MSI2: variants seen among roughly 807,000 people sequenced by gnomAD.
The protein encoded by MSI2 is musashi RNA binding protein 2.
A neutral mutation model predicts 45.6 loss-of-function variants in MSI2; 17 were observed. That is an observed-to-expected ratio of 0.37 (90% CI 0.26 to 0.56). The LOEUF (loss-of-function observed/expected upper bound fraction) is 0.56, where lower values mean the gene tolerates loss of function less well. Among genes scored for constraint, MSI2 ranks in the 20% least tolerant of loss-of-function variants. The probability of loss-of-function intolerance (pLI) is 0.77; values close to 1 mark genes in which losing one functional copy is unlikely to be tolerated. For missense variants in MSI2, 293 were observed against 444.2 expected (o/e 0.66, Z 3.06); for synonymous variants, 156 against 158.2 (o/e 0.99, Z 0.11).
chr17:57,567,098 G>A (rs1254350685), intron 7 of MSI2, among the ~76,000 whole-genome samples: 1 of 152,164 alleles, frequency 6.6e-6, no homozygotes, highest in African/African-American at 2.4e-5. Flanking sequence ...GTCTATTCCA[G>A]ACAATCCATT....
At chr17:57,426,882 A>G (rs1183227343) in intron 6 of MSI2, among the ~76,000 whole-genome samples, 2 of 152,260 alleles carry the variant, frequency 1.3e-5, no homozygotes, top group Admixed American at 1.3e-4. Context: ...GCATGGCCTG[A>G]CAGAGAAGTG....
chr17:57,409,595 C>T (rs1464197701), intron 6 of MSI2, among the ~76,000 whole-genome samples: 1 of 152,156 alleles, frequency 6.6e-6, no homozygotes, highest in East Asian at 1.9e-4. Flanking sequence ...ATGGGCCTTT[C>T]TTCTTTGTGG....
chr17:57,398,661 A>C (rs1377187801), intron 5 of MSI2, among the ~76,000 whole-genome samples: 1 of 152,260 alleles, frequency 6.6e-6, no homozygotes, highest in Non-Finnish European at 1.5e-5. Context: ...GCGACTACAC[A>C]GTGCCCTGCT....
chr17:57,280,194 C>G lies in MSI2; in HGVS notation c.312+18002C>G, dbSNP rs748391091. ...AGGGGGACAGGCGAGGTCACACTTGCGTTGGCGGGGATAAAAATTCTTATC... is the reference window on the plus strand; with the variant it reads ...AGGGGGACAGGCGAGGTCACACTTGGGTTGGCGGGGATAAAAATTCTTATC... On this transcript the variant is annotated intron_variant, in intron 5 of 13. Coordinates refer to ENST00000284073, the MANE Select transcript of MSI2 (RefSeq NM_138962.4). This position sits in a 1 kb window ranked among gnomAD's most constrained non-coding sequence, Gnocchi z 4.2. Among the ~76,000 whole-genome samples, 3 of 152,078 alleles carry G rather than the reference C, an allele frequency of 2.0e-5. No homozygotes were observed. Among genetic ancestry groups the G allele is most frequent in the South Asian group, 2.1e-4 (1 of 4,804 alleles).
At chr17:57,425,759 A>C (rs1011529867) in intron 6 of MSI2, among the ~76,000 whole-genome samples, 16 of 152,220 alleles carry the variant, frequency 1.1e-4, no homozygotes, top group African/African-American at 2.7e-4. Flanking sequence ...TTGACCTAGC[A>C]ATTCCACTTC....
chr17:57,257,211 T>TGGGGGGG, intron 2 of MSI2, 73 bp downstream of exon 2: 1 of 569,830 alleles, frequency 1.8e-6, no homozygotes. Flanking sequence ...TATCCCGGTG[T>TGGGGGGG]AGGAGCCCCC....
At chr17:57,562,320 G>A (rs939806535) in intron 7 of MSI2, among the ~76,000 whole-genome samples, 10 of 152,220 alleles carry the variant, frequency 6.6e-5, no homozygotes, top group Admixed American at 5.9e-4. Context: ...TTCTAAGACC[G>A]TACTTCCCAG....
intron 11 of MSI2, among the ~76,000 whole-genome samples, chr17:57,656,053 A>C (rs1297783529): frequency 6.6e-6 from 1 of 152,218 alleles, no homozygotes; most frequent in Non-Finnish European, 1.5e-5. Flanking sequence ...GTTGTAGTAC[A>C]TGCATTGTTG....
chr17:57,435,860 A>C (rs1488235605), intron 6 of MSI2, among the ~76,000 whole-genome samples: 2 of 152,044 alleles, frequency 1.3e-5, no homozygotes, highest in Non-Finnish European at 1.5e-5. Context: ...CCTAGAAAAA[A>C]TTTTATCCAT....
intron 6 of MSI2, among the ~76,000 whole-genome samples, chr17:57,477,310 A>G (rs1049120127): frequency 2.0e-5 from 3 of 151,906 alleles, no homozygotes; most frequent in Admixed American, 6.6e-5. Context: ...TCGTGACACA[A>G]TTGCCTGTTA....
At chr17:57,310,407 C>T (rs1912296520) in intron 5 of MSI2, among the ~76,000 whole-genome samples, 1 of 151,756 alleles carries the variant, frequency 6.6e-6, no homozygotes, top group African/African-American at 2.4e-5. Context: ...GATCTTGGCT[C>T]ACTGCGACCT....
At chr17:57,433,474 G>A (rs561224413) in intron 6 of MSI2, among the ~76,000 whole-genome samples, 1 of 152,142 alleles carries the variant, frequency 6.6e-6, no homozygotes, top group African/African-American at 2.4e-5. Flanking sequence ...CCCCCAGAAG[G>A]CAGGAGCAAG....
At chr17:57,633,019 T>A in intron 10 of MSI2, 3 of 1,045,238 alleles carry the variant, frequency 2.9e-6, no homozygotes, top group South Asian at 9.2e-5. Context: ...TATGAATTGC[T>A]TTGCTTTGGT....
chr17:57,572,691 C>T (rs1231491206), intron 7 of MSI2, among the ~76,000 whole-genome samples: 1 of 152,174 alleles, frequency 6.6e-6, no homozygotes, highest in Non-Finnish European at 1.5e-5. Context: ...GCCCTCCTTT[C>T]CCCAGAGCTG....
At chr17:57,487,101 A>G (rs1365224885) in intron 6 of MSI2, among the ~76,000 whole-genome samples, 1 of 152,214 alleles carries the variant, frequency 6.6e-6, no homozygotes, top group East Asian at 1.9e-4. Flanking sequence ...GCCCTGAGCA[A>G]GGGAAGTACA....
At chr17:57,635,484 A>G (rs565836266) in intron 10 of MSI2, among the ~76,000 whole-genome samples, 2 of 152,270 alleles carry the variant, frequency 1.3e-5, no homozygotes, top group African/African-American at 2.4e-5. Context: ...CTGCAGTTCT[A>G]TGCAGTTCTA....
At chr17:57,505,580 C>T (rs953831232) in intron 6 of MSI2, among the ~76,000 whole-genome samples, 5 of 152,136 alleles carry the variant, frequency 3.3e-5, no homozygotes, top group Admixed American at 1.3e-4. Flanking sequence ...AGAAAGAATG[C>T]CTCACCAGAG....
chr17:57,363,331 C>T (rs1157250347), intron 5 of MSI2, among the ~76,000 whole-genome samples: 1 of 152,156 alleles, frequency 6.6e-6, no homozygotes, highest in African/African-American at 2.4e-5. Flanking sequence ...CCCCTTATGA[C>T]ATCACTCAGC....
At chr17:57,540,307 T>A (rs1399595790) in intron 7 of MSI2, among the ~76,000 whole-genome samples, 2 of 152,184 alleles carry the variant, frequency 1.3e-5, no homozygotes, top group African/African-American at 2.4e-5. Context: ...TGACTGTCAT[T>A]ACTTCGGGAA....
Sources: allele counts gnomAD v4.1 joint callset (sites outside exome capture counted in the v4.1 genomes callset), GRCh38; gene constraint gnomAD v4.1.1; non-coding constraint Gnocchi (gnomAD v3.1); transcripts MANE v1.5; gene names NCBI Gene and HGNC (gene_info 2026-07-23, HGNC 2026-07-21).